The following SLC25A26 variants were observed in gnomAD, a reference collection of about 807,000 sequenced individuals.
SLC25A26 encodes the protein mitochondrial S-adenosylmethionine carrier protein.
In SLC25A26, 36 loss-of-function variants were observed where a neutral mutation model predicts 37.8. The observed-to-expected ratio is 0.95, with a 90% CI of 0.73 to 1.26. SLC25A26 has a LOEUF of 1.26. SLC25A26 is among the 50% of genes most tolerant of loss of function. The pLI, the probability that SLC25A26 is intolerant of heterozygous loss-of-function variation, is 0.00. For synonymous variants in SLC25A26, 129 were observed against 122.5 expected (o/e 1.05, Z -0.35); for missense variants, 390 against 331.1 (o/e 1.18, Z -1.38).
intron 1 of SLC25A26, among the ~76,000 whole-genome samples, chr3:66,208,807 T>C (rs1196485810): frequency 1.7e-5 from 1 of 60,542 alleles, no homozygotes; most frequent in Non-Finnish European, 4.8e-5. Flanking sequence ...CACCTTTACA[T>C]GGGTATATAT....
rs2076205980 is a variant in SLC25A26, at chr3:66,341,386, T to C, written c.454-4978T>C. On this transcript the variant is annotated intron_variant, in intron 5 of 9. Transcript: ENST00000354883. ...ACAGACTAATTTGACATTGCCATTA[T>C]CTTCATTACAAAATAGTGTTATTTA... Among the ~76,000 whole-genome samples the C allele has an allele frequency of 2.6e-5, 4 of 152,308 alleles. No homozygotes were observed. The South Asian group carries it at 8.3e-4, about 32-fold the overall frequency.
At chr3:66,211,482 A>T (rs2071282888) in intron 1 of SLC25A26, among the ~76,000 whole-genome samples, 1 of 152,208 alleles carries the variant, frequency 6.6e-6, no homozygotes, top group Non-Finnish European at 1.5e-5. Flanking sequence ...CTGGGAAATT[A>T]CCTGGGGTCT....
At chr3:66,313,960 A>T (rs1049605267) in intron 5 of SLC25A26, among the ~76,000 whole-genome samples, 3 of 152,066 alleles carry the variant, frequency 2.0e-5, no homozygotes, top group African/African-American at 7.2e-5. Context: ...TGACTTTTGC[A>T]TGTTGATTTT....
chr3:66,273,594 T>C (rs1386592272), intron 5 of SLC25A26, among the ~76,000 whole-genome samples: 2 of 152,138 alleles, frequency 1.3e-5, no homozygotes, highest in Non-Finnish European at 2.9e-5. Flanking sequence ...TCACAAGCAT[T>C]CTTATACACC....
chr3:66,265,594 C>T lies in SLC25A26; in HGVS notation c.453+2215C>T, dbSNP rs2073713542. Among the ~76,000 whole-genome samples, 3 of 152,256 alleles carry T rather than the reference C, an allele frequency of 2.0e-5. No individual in the cohort carries two copies. The South Asian group carries it at 6.2e-4, about 32-fold the overall frequency. ...CCGAATACTGAAATTCATTGAAATC[C>T]CAAATTTTATTCTCAGGTAGTTTTT... On this transcript the variant is annotated intron_variant, in intron 5 of 9. Transcript: ENST00000354883.
At chr3:66,341,860 G>C (rs1349387442) in intron 5 of SLC25A26, among the ~76,000 whole-genome samples, 2 of 151,988 alleles carry the variant, frequency 1.3e-5, no homozygotes, top group Admixed American at 1.3e-4. Context: ...TTTACTATTG[G>C]AATTCTTTCC....
intron 1 of SLC25A26, among the ~76,000 whole-genome samples, chr3:66,222,644 G>GAT (rs2071555653): frequency 6.6e-6 from 1 of 152,148 alleles, no homozygotes; most frequent in African/African-American, 2.4e-5. Flanking sequence ...CCAAATGAGG[G>GAT]AAGTGGGATA....
At chr3:66,375,062 A>G (rs191827648) in intron 9 of SLC25A26, among the ~76,000 whole-genome samples, 41 of 152,318 alleles carry the variant, frequency 2.7e-4, no homozygotes, top group African/African-American at 8.9e-4. Context: ...ACAAATGATA[A>G]GTGTAACAGC....
rs1003891845 is a variant in SLC25A26 at position 66,200,180 on chromosome 3, C to T, written c.-353-20562C>T. On this transcript the variant is annotated intron_variant, in intron 1 of 10. Coordinates refer to the SLC25A26 transcript ENST00000676754. ...TTTGGCAAATTATCCCTATGGCAGT[C>T]GATGAATTAGAGGGCTAAAAATGTA... Among the ~76,000 whole-genome samples the T allele has an allele frequency of 1.6e-4, 24 of 152,262 alleles. No individual in the cohort carries two copies. In the East Asian group the frequency reaches 2.1e-3, roughly 13 times the overall value.
intron 1 of SLC25A26, among the ~76,000 whole-genome samples, chr3:66,172,034 C>T (rs558470915): frequency 6.6e-6 from 1 of 152,292 alleles, no homozygotes; most frequent in Admixed American, 6.5e-5. Flanking sequence ...CTGCGCTCCC[C>T]TCCTCTGATG....
chr3:66,324,545 G>T (rs961284185), intron 5 of SLC25A26, among the ~76,000 whole-genome samples: 2 of 152,118 alleles, frequency 1.3e-5, no homozygotes, highest in African/African-American at 4.8e-5. Context: ...TGGCTAATTT[G>T]TTAGTTTTAC....
In SLC25A26 at chr3:66,209,916, A is replaced by C. The variant is rs1204335573; in HGVS notation, c.-353-10826A>C. ...TCTCTATTTATATATATATATATAT[A>C]TATATATATATATATATATATATAT... On this transcript the variant is annotated intron_variant, in intron 1 of 10. Transcript: ENST00000676754. Among the ~76,000 whole-genome samples the C allele has an allele frequency of 1.9e-4, 8 of 41,846 alleles. 1 individual carries two copies. Among genetic ancestry groups the C allele is most frequent in the Admixed American group, 1.7e-3 (7 of 4,038 alleles). The allele number at this position is 41,846 out of a possible 152,430, so 27.5% of individuals were successfully genotyped here.
At chr3:66,289,991 C>T (rs1297622757) in intron 5 of SLC25A26, among the ~76,000 whole-genome samples, 1 of 152,094 alleles carries the variant, frequency 6.6e-6, no homozygotes, top group Non-Finnish European at 1.5e-5. Context: ...TCTCTTATTT[C>T]CTTGAGCAGT....
intron 1 of SLC25A26, 148 bp from the exon 2 acceptor site, chr3:66,236,396 C>T (rs1038656887): frequency 4.9e-5 from 23 of 469,440 alleles, no homozygotes; most frequent in African/African-American, 2.6e-4. Flanking sequence ...TTTAGGCTGA[C>T]GGTCCTTTGT....
intron 5 of SLC25A26, among the ~76,000 whole-genome samples, chr3:66,319,678 T>G (rs531676751): frequency 1.3e-5 from 2 of 151,220 alleles, no homozygotes; most frequent in African/African-American, 4.9e-5. Flanking sequence ...ACAAAAAAAA[T>G]GATACATCTT....
intron 6 of SLC25A26, among the ~76,000 whole-genome samples, chr3:66,350,405 TTCTC>T (rs1345712106): frequency 2.0e-5 from 3 of 152,208 alleles, no homozygotes; most frequent in African/African-American, 7.2e-5. Flanking sequence ...TTCTTGCTCT[TTCTC>T]TATATCACAT....
At chr3:66,374,758 G>A (rs1700546330) in intron 9 of SLC25A26, among the ~76,000 whole-genome samples, 1 of 152,130 alleles carries the variant, frequency 6.6e-6, no homozygotes, top group African/African-American at 2.4e-5. Flanking sequence ...GTGTGTGCCT[G>A]TAGTCCCAGC....
At chr3:66,226,079 C>T (rs782320823) in intron 1 of SLC25A26, among the ~76,000 whole-genome samples, 1 of 152,130 alleles carries the variant, frequency 6.6e-6, no homozygotes, top group Non-Finnish European at 1.5e-5. Context: ...ATAGTAGCAC[C>T]CTACTGTGGG....
chr3:66,322,001 G>GC (rs1575563441), intron 5 of SLC25A26, among the ~76,000 whole-genome samples: 1 of 152,028 alleles, frequency 6.6e-6, no homozygotes, highest in Non-Finnish European at 1.5e-5. Flanking sequence ...TGAGGGTGGT[G>GC]CCCCCATGAC....
Sources: gnomAD v4.1 joint callset for allele counts (sites outside exome capture counted in the v4.1 genomes callset) on GRCh38, gnomAD v4.1.1 for gene constraint, MANE v1.5 for transcripts, NCBI Gene and HGNC (gene_info 2026-07-23, HGNC 2026-07-21) for gene names.